The following PDE8B variants were observed in gnomAD, a reference collection of about 807,000 sequenced individuals.
The protein encoded by PDE8B is phosphodiesterase 8B, also known as high affinity cAMP-specific and IBMX-insensitive 3',5'-cyclic phosphodiesterase 8B.
In PDE8B, 26 loss-of-function variants were observed where a neutral mutation model predicts 101.3. The ratio of observed to expected loss-of-function variants is 0.26; its 90% confidence interval spans 0.19 to 0.36. The LOEUF is 0.36. Ranked by LOEUF, PDE8B falls within the 10% of genes least tolerant of loss-of-function variation. The pLI is 1.00. For missense variants in PDE8B, 810 were observed against 1,163.1 expected, an observed-to-expected ratio of 0.70 and a Z score of 4.42; for synonymous variants, 424 against 429.3, an observed-to-expected ratio of 0.99 and a Z score of 0.15.
chr5:77,218,783 C>T (rs75797842), intron 1 of PDE8B, among the ~76,000 whole-genome samples: 24,005 of 152,096 alleles, frequency 0.16, 1,969 homozygotes, highest in East Asian at 0.31. Flanking sequence ...CAAATAGTAG[C>T]TGCTCTTATT....
chr5:77,129,271 T>C, the PDE8B span, among the ~76,000 whole-genome samples: 1 of 152,306 alleles, frequency 6.6e-6, no homozygotes, highest in South Asian at 2.1e-4. Flanking sequence ...GAGGATTTTT[T>C]CAAAAGATTT....
chr5:77,322,902 G>T (rs1483692392), intron 2 of PDE8B, among the ~76,000 whole-genome samples: 1 of 152,170 alleles, frequency 6.6e-6, no homozygotes, highest in Non-Finnish European at 1.5e-5. Flanking sequence ...CTGAAAATTA[G>T]TGATAGCTGT....
chr5:77,100,030 T>C, the PDE8B span, among the ~76,000 whole-genome samples: 4 of 152,252 alleles, frequency 2.6e-5, no homozygotes, highest in Non-Finnish European at 4.4e-5. Flanking sequence ...TTCTCAGAAC[T>C]GTTAGGAAGA....
the PDE8B span, among the ~76,000 whole-genome samples, chr5:77,196,246 G>A: frequency 6.6e-6 from 1 of 152,156 alleles, no homozygotes; most frequent in Admixed American, 6.5e-5. Flanking sequence ...TCTCTTGATA[G>A]TGTCATTTGA....
intron 10 of PDE8B, among the ~76,000 whole-genome samples, chr5:77,357,592 C>A (rs1181228448): frequency 6.6e-6 from 1 of 152,156 alleles, no homozygotes; most frequent in African/African-American, 2.4e-5. Context: ...GGATCATGGG[C>A]CTTGTCTGAG....
chr5:77,159,424 C>A, the PDE8B span, among the ~76,000 whole-genome samples: 1 of 152,148 alleles, frequency 6.6e-6, no homozygotes, highest in Non-Finnish European at 1.5e-5. Context: ...AGTTTTCCAG[C>A]CTACATCTTT....
intron 1 of PDE8B, among the ~76,000 whole-genome samples, chr5:77,230,741 G>A (rs763912939): frequency 2.0e-5 from 3 of 152,106 alleles, no homozygotes; most frequent in Admixed American, 6.6e-5. Context: ...CACCAGACCC[G>A]GCCATTCTGT....
chr5:77,381,808 T>C (rs974280045), intron 10 of PDE8B, among the ~76,000 whole-genome samples: 2 of 146,408 alleles, frequency 1.4e-5, no homozygotes. Flanking sequence ...CCATCATAAA[T>C]TATATAAATT....
chr5:77,369,190 G>A (rs1185950249), intron 10 of PDE8B, among the ~76,000 whole-genome samples: 2 of 120,034 alleles, frequency 1.7e-5, no homozygotes, highest in South Asian at 3.0e-4. Flanking sequence ...GCGACAGAGC[G>A]AGTCCACTGT....
chr5:77,422,290 T>A (rs934828956), intron 20 of PDE8B, among the ~76,000 whole-genome samples: 2 of 152,218 alleles, frequency 1.3e-5, no homozygotes, highest in African/African-American at 4.8e-5. Context: ...CTTCCATTCA[T>A]TCACTAGGTT....
chr5:77,403,327 T>C (rs1402521857), intron 11 of PDE8B, among the ~76,000 whole-genome samples: 1 of 152,156 alleles, frequency 6.6e-6, no homozygotes, highest in African/African-American at 2.4e-5. Flanking sequence ...GTTATTGAAA[T>C]GTTGGGGGAA....
intron 1 of PDE8B, among the ~76,000 whole-genome samples, chr5:77,231,946 C>G (rs755642818): frequency 3.3e-5 from 5 of 152,226 alleles, no homozygotes; most frequent in Non-Finnish European, 7.3e-5. Context: ...CTGGTCACAT[C>G]CAACATGAAG....
chr5:77,322,121 A>ATAT (rs1397117745), intron 2 of PDE8B, among the ~76,000 whole-genome samples: 1 of 152,086 alleles, frequency 6.6e-6, no homozygotes, highest in Non-Finnish European at 1.5e-5. Context: ...GGTCTGGGAC[A>ATAT]TATTGGTGGT....
chr5:77,422,443 T>C (rs1796870968), intron 20 of PDE8B, among the ~76,000 whole-genome samples: 1 of 152,154 alleles, frequency 6.6e-6, no homozygotes, highest in East Asian at 1.9e-4. Context: ...CAAGGAAGTT[T>C]ATGTTAAGTG....
chr5:77,392,868 AC>A (rs1790230134), intron 10 of PDE8B, among the ~76,000 whole-genome samples: 1 of 152,220 alleles, frequency 6.6e-6, no homozygotes, highest in Admixed American at 6.5e-5. Context: ...GAATACCATG[AC>A]TTCAGTTTTC....
chr5:77,142,576 C>G, the PDE8B span, among the ~76,000 whole-genome samples: 2 of 151,984 alleles, frequency 1.3e-5, no homozygotes, highest in East Asian at 1.9e-4. Flanking sequence ...AGTAATTTCT[C>G]AAGATAAAAA....
intron 8 of PDE8B, among the ~76,000 whole-genome samples, chr5:77,350,488 T>G (rs374203677): frequency 2.6e-5 from 4 of 152,086 alleles, no homozygotes; most frequent in Admixed American, 2.0e-4. Context: ...AAACCTCCCA[T>G]GTTCAGAGAA....
chr5:77,205,014 G>A, the PDE8B span, among the ~76,000 whole-genome samples: 1 of 152,062 alleles, frequency 6.6e-6, no homozygotes, highest in Non-Finnish European at 1.5e-5. Flanking sequence ...CCTGATTATT[G>A]GGGTCCAAAG....
the PDE8B span, chr5:77,166,774 T>C: frequency 6.6e-6 from 1 of 152,194 alleles, no homozygotes; most frequent in Non-Finnish European, 1.5e-5. Flanking sequence ...AAACACCTTA[T>C]GTTGGTTATC....
Sources: gnomAD v4.1 joint callset for allele counts (sites outside exome capture counted in the v4.1 genomes callset) on GRCh38, gnomAD v4.1.1 for gene constraint, MANE v1.5 for transcripts, NCBI Gene and HGNC (gene_info 2026-07-23, HGNC 2026-07-21) for gene names.